COX19: variants seen among roughly 807,000 people sequenced by gnomAD.
COX19 encodes the protein cytochrome c oxidase assembly factor COX19.
A neutral mutation model predicts 6.8 loss-of-function variants in COX19; 8 were observed. That is an observed-to-expected ratio of 1.18 (90% CI 0.69 to 2.12). The LOEUF is 2.12. Among genes scored for constraint, COX19 ranks in the 30% most tolerant of loss-of-function variants. COX19 has a pLI of 0.00. For missense variants in COX19, 131 were observed against 104.6 expected, an observed-to-expected ratio of 1.25 and a Z score of -1.10; for synonymous variants, 51 against 38.0, an observed-to-expected ratio of 1.34 and a Z score of -1.26.
rs1409059403 is a variant in COX19 at position 969,090 on chromosome 7, A to G, written c.*288T>C. ...GAGGACTGCAACATAAAACCGCCCC[A>G]TACAAGAGGGCCCCGGCCTCGAAGA... On this transcript the variant is annotated 3_prime_UTR_variant, in exon 3 of 3. Coordinates refer to ENST00000344111, the MANE Select transcript of COX19 (RefSeq NM_001031617.3). 2 of 357,502 alleles carry G rather than the reference A, an allele frequency of 5.6e-6. No homozygotes were observed. The highest frequency in any genetic ancestry group is 4.4e-5 in the Admixed American group (1 of 22,576). 22.1% of individuals were successfully genotyped at this position (357,502 alleles called of 1,614,324 possible).
At chr7:970,997 A>C (rs997311935) in intron 2 of COX19, among the ~76,000 whole-genome samples, 126 of 152,266 alleles carry the variant, frequency 8.3e-4, no homozygotes, top group African/African-American at 2.9e-3. Context: ...ATGTGAACTC[A>C]CACATGGTGA....
Position 968,738 on chromosome 7 carries a change from T to A in COX19, c.*640A>T, listed in dbSNP as rs1375688700. 3.9e-5 allele frequency: 6 copies of A among 152,284 alleles called. No homozygotes were observed. The highest frequency in any genetic ancestry group is 1.4e-4 in the African/African-American group (6 of 41,472). 9.4% of individuals were successfully genotyped at this position (152,284 alleles called of 1,614,324 possible). On this transcript the variant is annotated 3_prime_UTR_variant, in exon 3 of 3. Coordinates refer to ENST00000344111, the MANE Select transcript of COX19 (RefSeq NM_001031617.3). ...AACTGCAAATGGACTCAGGTTCTTT[T>A]TCTGTTAAAATACAGGAGTTACTGA... is the stretch of plus-strand genomic sequence containing the variant.
chr7:969,585 C>G, intron 2 of COX19, 129 bp from the exon 3 acceptor site: 1 of 694,190 alleles, frequency 1.4e-6, no homozygotes, highest in Non-Finnish European at 2.5e-6. Context: ...GAGAGTGGCC[C>G]CTCGGCCTCG....
Position 965,519 on chromosome 7 carries a change from G to T in COX19, c.*3859C>A, listed in dbSNP as rs1371619804. The stretch of plus-strand genomic sequence containing the variant: ...GCTCGCTCCCGGCGGTGGCTGCTGG[G>T]TTAAGGGGGCCTCTGCCGTTCTGCT... On this transcript the variant is annotated 3_prime_UTR_variant, in exon 3 of 3. Coordinates refer to ENST00000344111, the MANE Select transcript of COX19 (RefSeq NM_001031617.3). Among the ~76,000 whole-genome samples, 2 of 152,210 alleles carry T rather than the reference G, an allele frequency of 1.3e-5. No individual in the cohort carries two copies. Among genetic ancestry groups the T allele is most frequent in the Admixed American group, 6.5e-5 (1 of 15,284 alleles).
chr7:973,149 A>T, intron 2 of COX19, 32 bp downstream of exon 2: 1 of 1,427,124 alleles, frequency 7.0e-7, no homozygotes, highest in Non-Finnish European at 9.4e-7. Flanking sequence ...GAGTAGTGGG[A>T]GGTGGAAATC....
rs887678119 is a variant in COX19 at position 970,959 on chromosome 7, C to T, written c.195-1503G>A. Among the ~76,000 whole-genome samples the T allele has an allele frequency of 7.9e-5, 12 of 152,288 alleles. No individual in the cohort carries two copies. The South Asian group carries it at 1.5e-3, about 18-fold the overall frequency. On this transcript the variant is annotated intron_variant, in intron 2 of 2. Coordinates refer to ENST00000344111, the MANE Select transcript of COX19 (RefSeq NM_001031617.3). ...ACTCAGCATGACTCTTTATGGGCCC[C>T]ACACTCTTCAGGACAATAGTTACTA...
chr7:973,546 C>T (rs1186154749), intron 1 of COX19, among the ~76,000 whole-genome samples: 1 of 152,188 alleles, frequency 6.6e-6, no homozygotes, highest in Non-Finnish European at 1.5e-5. Context: ...TGGCGCACGT[C>T]TGTGGTTCCA....
rs748671103 is a variant in COX19 at position 973,225 on chromosome 7, C to G, written c.150G>C (p.Leu50Phe). 1.2e-6 allele frequency: 2 copies of G among 1,606,636 alleles called. No individual in the cohort carries two copies. The highest frequency in any genetic ancestry group is 2.2e-5 in the East Asian group (1 of 44,486). Residue 50 changes from leucine (L) to phenylalanine (F), a missense_variant, in exon 2 of 3, where the codon TTG becomes TTC. Leu to Phe is a conservative substitution (Grantham distance 22). Coordinates refer to ENST00000344111, the MANE Select transcript of COX19 (RefSeq NM_001031617.3). ...CLHNNNFENA[L>F]CRKESKEYLE... ...AATATTCTTTTGATTCCTTTCTGCA[C>G]AAAGCATTTTCAAAATTATTGTTAT...
chr7:973,043 G>A, intron 2 of COX19, 138 bp downstream of exon 2: 1 of 462,710 alleles, frequency 2.2e-6, no homozygotes, highest in South Asian at 5.0e-5. Flanking sequence ...CATTTCAAGG[G>A]CAAACAATTC....
At chr7:970,601 G>A (rs529369476) in intron 2 of COX19, among the ~76,000 whole-genome samples, 20 of 151,922 alleles carry the variant, frequency 1.3e-4, no homozygotes, top group African/African-American at 4.6e-4. Context: ...CTGCCACCAT[G>A]CCTGGCTAAT....
chr7:969,694 T>C (rs1353027093), intron 2 of COX19, among the ~76,000 whole-genome samples: 1 of 151,880 alleles, frequency 6.6e-6, no homozygotes, highest in Non-Finnish European at 1.5e-5. Flanking sequence ...TGGGGCCTCT[T>C]GGGATGTCCA....
At chr7:972,732 TTAAA>T (rs1847652465) in intron 2 of COX19, 1 of 152,426 alleles carries the variant, frequency 6.6e-6, no homozygotes, top group Admixed American at 6.5e-5. Context: ...TCATCATTTC[TTAAA>T]TAGTCTATTG....
Position 966,316 on chromosome 7 carries a change from G to A in COX19, c.*3062C>T. ...CTACAGGCGGGTGACACCACGCACG[G>A]CTGACTTTTCTTGTTTTGTAGAGAC... On this transcript the variant is annotated 3_prime_UTR_variant, in exon 3 of 3. Coordinates refer to ENST00000344111, the MANE Select transcript of COX19 (RefSeq NM_001031617.3). The A allele has an allele frequency of 6.6e-6, 1 of 152,014 alleles. No individual in the cohort carries two copies. Among genetic ancestry groups the A allele is most frequent in the Non-Finnish European group, 1.5e-5 (1 of 67,988 alleles). 9.4% of individuals were successfully genotyped at this position (152,014 alleles called of 1,614,324 possible). A position where few individuals can be genotyped will look rare whatever the true frequency, so the allele number is the denominator to read the frequency against.
Position 965,662 on chromosome 7 carries a change from T to C in COX19, c.*3716A>G, listed in dbSNP as rs1020750392. ...CACTTCATGGCAACTGAGGGTTTTTTTTTGAGACGGTTCTGTCGCCCAGGC... is the reference window on the plus strand; with the variant it reads ...CACTTCATGGCAACTGAGGGTTTTTCTTTGAGACGGTTCTGTCGCCCAGGC... On this transcript the variant is annotated 3_prime_UTR_variant, in exon 3 of 3. Coordinates refer to ENST00000344111, the MANE Select transcript of COX19 (RefSeq NM_001031617.3). Among the ~76,000 whole-genome samples the C allele has an allele frequency of 6.6e-6, 1 of 152,204 alleles. No homozygotes were observed. The highest frequency in any genetic ancestry group is 1.5e-5 in the Non-Finnish European group (1 of 68,040).
At chr7:974,679 G>C (rs1471611751) in intron 1 of COX19, among the ~76,000 whole-genome samples, 1 of 149,784 alleles carries the variant, frequency 6.7e-6, no homozygotes. Flanking sequence ...TTTTTTTTGA[G>C]ACGTTGTCTC....
chr7:975,110 G>A, intron 1 of COX19: 1 of 316,974 alleles, frequency 3.2e-6, no homozygotes, highest in Non-Finnish European at 5.8e-6. Flanking sequence ...CTTCGTGGCC[G>A]CCGAATGCCC....
chr7:975,376 C>G, intron 1 of COX19, 52 bp downstream of exon 1: 1 of 1,431,616 alleles, frequency 7.0e-7, no homozygotes, highest in Non-Finnish European at 9.5e-7. Context: ...CGCTGGGCCG[C>G]GACCCAGACC....
chr7:974,454 C>T (rs951939635), intron 1 of COX19, among the ~76,000 whole-genome samples: 1 of 152,198 alleles, frequency 6.6e-6, no homozygotes, highest in Non-Finnish European at 1.5e-5. Context: ...CAAACCCAAA[C>T]TTGTTTCCTT....
chr7:972,360 G>A lies in COX19; in HGVS notation c.194+821C>T, dbSNP rs191756112. 3.7e-4 allele frequency among the ~76,000 whole-genome samples: 56 copies of A among 152,244 alleles called. 1 individual carries two copies. Among genetic ancestry groups the A allele is most frequent in the Admixed American group, 1.6e-3 (24 of 15,296 alleles). On this transcript the variant is annotated intron_variant, in intron 2 of 2. Transcript: ENST00000344111. Reference sequence around the variant, plus strand: ...CCCAAATGTCCACACGAATAACCCCGAACACACCTGTGTGGCCGGAAAGGC... The same window carrying A: ...CCCAAATGTCCACACGAATAACCCCAAACACACCTGTGTGGCCGGAAAGGC...
Sources: allele counts gnomAD v4.1 joint callset (sites outside exome capture counted in the v4.1 genomes callset), GRCh38; gene constraint gnomAD v4.1.1; transcripts MANE v1.5; gene names NCBI Gene and HGNC (gene_info 2026-07-23, HGNC 2026-07-21).